The following TICRR variants were observed in gnomAD, a reference collection of about 807,000 sequenced individuals.
TICRR encodes TOPBP1 interacting checkpoint and replication regulator, also known as treslin.
Under a neutral mutation model 178.1 loss-of-function variants are expected in TICRR, and 132 were observed. The observed-to-expected ratio is 0.74, with a 90% CI of 0.64 to 0.86. TICRR has a LOEUF of 0.86. Among genes scored for constraint, TICRR ranks in the 40% least tolerant of loss-of-function variants. The pLI is 0.00. For synonymous variants in TICRR, 991 were observed against 900.7 expected, an observed-to-expected ratio of 1.10 and a Z score of -1.79; for missense variants, 2,587 against 2,334.3, an observed-to-expected ratio of 1.11 and a Z score of -2.23.
At chr15:89,616,628 C>T in intron 16 of TICRR, 133 bp downstream of exon 16, 5 of 655,598 alleles carry the variant, frequency 7.6e-6, no homozygotes, top group Non-Finnish European at 1.3e-5. Flanking sequence ...AAAGAGCATT[C>T]TATAAGCTCT....
intron 19 of TICRR, among the ~76,000 whole-genome samples, chr15:89,621,943 A>C (rs1268787758): frequency 6.6e-6 from 1 of 150,600 alleles, no homozygotes; most frequent in Admixed American, 6.6e-5. Flanking sequence ...AGGCATAGCC[A>C]ATCAGTCGAG....
At chr15:89,610,844 T>G (rs970582508) in intron 15 of TICRR, among the ~76,000 whole-genome samples, 3 of 152,170 alleles carry the variant, frequency 2.0e-5, no homozygotes, top group Non-Finnish European at 4.4e-5. Context: ...AGTTGTTTTC[T>G]CAGTGGTTAC....
chr15:89,625,055 C>G lies in TICRR; in HGVS notation c.4745C>G (p.Ser1582Cys). Reference sequence around the variant, plus strand: ...CGAATTAAGAAGATAGACCCCAGCTCTTCATTAGAGGCTGAGCCCCTCAGC... The same window carrying G: ...CGAATTAAGAAGATAGACCCCAGCTGTTCATTAGAGGCTGAGCCCCTCAGC... The part of the protein sequence containing the change: ...KLRIKKIDPS[S>C]SLEAEPLSKE... Residue 1582 changes from serine (S) to cysteine (C), a missense_variant, in exon 20 of 22, where the codon TCT (serine) becomes TGT (cysteine). Ser to Cys is a moderately radical substitution (Grantham distance 112). Transcript: ENST00000268138. The G allele has an allele frequency of 1.4e-5, 23 of 1,614,036 alleles. No homozygotes were observed. Among genetic ancestry groups the G allele is most frequent in the Non-Finnish European group, 1.9e-5 (23 of 1,180,032 alleles).
Position 89,585,878 on chromosome 15 carries a change from C to T in TICRR, c.1347C>T (p.Phe449=), listed in dbSNP as rs1199154278. ...ADSPRDTASL[F]SDVVDSILNQ... is the part of the protein sequence containing the mutation. ...GCCCCCGGGACACAGCTTCCCTTTTCTCAGATGTTGTGGATAGTATATTGA... is the reference window on the plus strand; with the variant it reads ...GCCCCCGGGACACAGCTTCCCTTTTTTCAGATGTTGTGGATAGTATATTGA... The change falls in exon 4 of 22, where the codon TTC becomes TTT. Residue 449 remains phenylalanine (F), a synonymous_variant. Transcript: ENST00000268138. 1 of 1,614,172 alleles carries T rather than the reference C, an allele frequency of 6.2e-7. No homozygotes were observed. The highest frequency in any genetic ancestry group is 1.1e-5 in the South Asian group (1 of 91,080).
chr15:89,584,660 A>G, intron 3 of TICRR, 133 bp downstream of exon 3: 1 of 908,516 alleles, frequency 1.1e-6, no homozygotes, highest in Middle Eastern at 2.5e-4. Context: ...AATATTGTTG[A>G]CATTATAGTA....
chr15:89,578,174 G>T (rs966570983), intron 1 of TICRR, among the ~76,000 whole-genome samples: 3 of 152,100 alleles, frequency 2.0e-5, no homozygotes, highest in Admixed American at 2.0e-4. Context: ...TTAATGGGAA[G>T]GCTTTGGAAT....
At chr15:89,576,383 G>T (rs11855211) in intron 1 of TICRR, 143 bp downstream of exon 1, 2 of 803,264 alleles carry the variant, frequency 2.5e-6, no homozygotes, top group African/African-American at 3.5e-5. Flanking sequence ...CAAATAAATA[G>T]GAACAGTTTT....
chr15:89,577,681 T>C (rs1962649692), intron 1 of TICRR, among the ~76,000 whole-genome samples: 2 of 132,656 alleles, frequency 1.5e-5, no homozygotes, highest in South Asian at 5.4e-4. Context: ...TGATCTCGGC[T>C]CACTGCAACC....
chr15:89,600,820 G>A, intron 9 of TICRR, 135 bp downstream of exon 9: 1 of 508,964 alleles, frequency 2.0e-6, no homozygotes, highest in Non-Finnish European at 3.5e-6. Context: ...CAAAGCAGGA[G>A]GATTGCTTGC....
Position 89,576,109 on chromosome 15 carries a change from G to T in TICRR, c.523G>T (p.Glu175Ter). ...GCTGCTGCAGTTCGTGTCTGGGTGC[G>T]AGGCCCAGGCCCAGCGCCTGCCGCC... The part of the protein sequence containing the change: ...RELLQFVSGC[E>*]AQAQRLPPTP... The change falls in exon 1 of 22, where the codon GAG becomes TAG. Residue 175 changes from glutamate to a stop codon, truncating the protein, a stop_gained. Transcript: ENST00000268138. LOFTEE classifies it high-confidence loss of function. 1 of 1,611,344 alleles carries T rather than the reference G, an allele frequency of 6.2e-7. No homozygotes were observed.
chr15:89,601,442 T>G, intron 10 of TICRR, 47 bp from the exon 11 acceptor site: 1 of 1,611,910 alleles, frequency 6.2e-7, no homozygotes, highest in Non-Finnish European at 8.5e-7. Flanking sequence ...GCTTTCAGCT[T>G]CCCTGCAGAG....
At chr15:89,616,796 G>A (rs890698413) in intron 16 of TICRR, among the ~76,000 whole-genome samples, 21 of 152,202 alleles carry the variant, frequency 1.4e-4, no homozygotes, top group African/African-American at 5.1e-4. Flanking sequence ...ATTCATCTGT[G>A]AACATAGAGA....
At chr15:89,623,019 A>G (rs1963451940) in intron 19 of TICRR, among the ~76,000 whole-genome samples, 1 of 152,250 alleles carries the variant, frequency 6.6e-6, no homozygotes, top group African/African-American at 2.4e-5. Flanking sequence ...GGGATGAAGG[A>G]AGGCTGTAGG....
intron 14 of TICRR, 84 bp from the exon 15 acceptor site, chr15:89,608,719 T>G: frequency 2.4e-6 from 3 of 1,245,418 alleles, no homozygotes; most frequent in Non-Finnish European, 3.3e-6. Flanking sequence ...AGCTTCTCTG[T>G]TTTGGTTATC....
chr15:89,619,660 C>A, intron 17 of TICRR, 48 bp from the exon 18 acceptor site: 1 of 1,559,640 alleles, frequency 6.4e-7, no homozygotes, highest in African/African-American at 1.4e-5. Context: ...GAGAAAATGT[C>A]AAGCTTGTAG....
At position 89,582,985 on chromosome 15, in the gene TICRR, AG is replaced by A. The variant is rs772646078; in HGVS notation, c.934+22del. ...TTGAAGGTAAGCAAATAATATTTTA[AG>A]GTTTTTTTTTTTTTAAATCTCAGTT... On this transcript the variant is annotated intron_variant, in intron 2 of 21. Coordinates refer to ENST00000268138, the MANE Select transcript of TICRR (RefSeq NM_152259.4). 7.7e-6 allele frequency: 12 copies of A among 1,567,002 alleles called. No individual in the cohort carries two copies. In the Admixed American group the frequency reaches 1.2e-4, roughly 16 times the overall value.
chr15:89,617,602 A>C (rs966189607), intron 16 of TICRR, among the ~76,000 whole-genome samples: 14 of 152,090 alleles, frequency 9.2e-5, no homozygotes, highest in African/African-American at 3.1e-4. Flanking sequence ...AGCTCACTGC[A>C]ACCTCTGCCT....
At chr15:89,611,320 C>T (rs1287503557) in intron 15 of TICRR, among the ~76,000 whole-genome samples, 2 of 152,124 alleles carry the variant, frequency 1.3e-5, no homozygotes, top group Non-Finnish European at 2.9e-5. Flanking sequence ...ATGTGACATC[C>T]ACTGCCTTCT....
At position 89,623,753 on chromosome 15, in the gene TICRR, C is replaced by A; in HGVS notation, c.3443C>A (p.Thr1148Lys). The change falls in exon 20 of 22, where the codon ACA becomes AAA. Residue 1148 changes from threonine to lysine, a missense_variant. Transcript: ENST00000268138. ...AAGTCCCCTGCAAAAATGACCCCTA[C>A]AAAGCAGGCAGCTTTTAAGGAGTCC... ...LQKSPAKMTP[T>K]KQAAFKESLK... 1 of 1,614,114 alleles carries A rather than the reference C, an allele frequency of 6.2e-7. No individual in the cohort carries two copies. The highest frequency in any genetic ancestry group is 8.5e-7 in the Non-Finnish European group (1 of 1,180,030).
Sources: gnomAD v4.1 joint callset for allele counts (sites outside exome capture counted in the v4.1 genomes callset) on GRCh38, gnomAD v4.1.1 for gene constraint, MANE v1.5 for transcripts, NCBI Gene and HGNC (gene_info 2026-07-23, HGNC 2026-07-21) for gene names.